Variants in CLIC5 observed in about 807,000 individuals in gnomAD.
CLIC5 encodes the protein chloride intracellular channel protein 5.
In CLIC5, 20 loss-of-function variants were observed where a neutral mutation model predicts 24.7. That is an observed-to-expected ratio of 0.81 (90% CI 0.57 to 1.18). The LOEUF (loss-of-function observed/expected upper bound fraction) is 1.18, where lower values mean the gene tolerates loss of function less well. Ranked by LOEUF, CLIC5 falls within the 50% of genes most tolerant of loss-of-function variation. CLIC5 has a pLI of 0.00. For synonymous variants in CLIC5, 159 were observed against 135.6 expected (o/e 1.17, Z -1.20); for missense variants, 341 against 326.1 (o/e 1.05, Z -0.35).
chr6:45,920,578 T>C (rs1763218022), intron 4 of CLIC5: 1 of 559,128 alleles, frequency 1.8e-6, no homozygotes, highest in African/African-American at 2.1e-5. Context: ...CTTGTTGACA[T>C]TTGATAGTTT....
Position 45,979,235 on chromosome 6 carries a change from T to C in CLIC5, c.64-23991A>G, listed in dbSNP as rs148893792. On this transcript the variant is annotated intron_variant, in intron 1 of 5. Transcript: ENST00000339561. ...CCATGAAGACCCAGGACACATGTAT[T>C]ATATGTGCTAACTGAAGACCAATCT... is the stretch of plus-strand genomic sequence containing the variant. Among the ~76,000 whole-genome samples the C allele has an allele frequency of 2.4e-3, 361 of 152,274 alleles. 1 individual carries two copies. Among genetic ancestry groups the C allele is most frequent in the African/African-American group, 8.0e-3 (334 of 41,544 alleles).
chr6:45,923,583 T>C (rs1305520650), intron 4 of CLIC5, among the ~76,000 whole-genome samples: 1 of 152,262 alleles, frequency 6.6e-6, no homozygotes, highest in Non-Finnish European at 1.5e-5. Flanking sequence ...CAGGCATCTA[T>C]TCGGTGCCCA....
rs59497107 is a variant in CLIC5, at chr6:46,031,893, C to CAT, written c.540+47808_540+47809dup. Among the ~76,000 whole-genome samples the CAT allele has an allele frequency of 1.5e-4, 22 of 146,836 alleles. 1 individual carries two copies. Among genetic ancestry groups the CAT allele is most frequent in the Non-Finnish European group, 2.4e-4 (16 of 67,012 alleles). On this transcript the variant is annotated intron_variant, in intron 1 of 5. Coordinates refer to the CLIC5 transcript ENST00000185206. The stretch of plus-strand genomic sequence containing the variant: ...TATATATAACATATATATATACACA[C>CAT]ATATATATATACAACATATATATGT...
chr6:45,938,415 G>C (rs902456849), intron 4 of CLIC5, among the ~76,000 whole-genome samples: 1 of 152,190 alleles, frequency 6.6e-6, no homozygotes, highest in African/African-American at 2.4e-5. Flanking sequence ...GACAAGTAAA[G>C]AGGAAGGGAG....
chr6:46,064,706 T>C (rs1762394368), intron 1 of CLIC5, among the ~76,000 whole-genome samples: 1 of 151,836 alleles, frequency 6.6e-6, no homozygotes, highest in African/African-American at 2.4e-5. Flanking sequence ...AATTAATCGA[T>C]GTATTTGACA....
At chr6:45,911,570 G>A (rs1342048026) in intron 5 of CLIC5, 5 of 979,028 alleles carry the variant, frequency 5.1e-6, no homozygotes, top group Non-Finnish European at 6.1e-6. Flanking sequence ...TAAGATAAAG[G>A]GATCCAAAAG....
chr6:46,062,724 G>T (rs955495511), intron 1 of CLIC5, among the ~76,000 whole-genome samples: 1 of 152,156 alleles, frequency 6.6e-6, no homozygotes, highest in South Asian at 2.1e-4. Context: ...GCTGATCAGC[G>T]CATTTTCCTA....
chr6:46,063,157 T>A (rs1762339906), intron 1 of CLIC5, among the ~76,000 whole-genome samples: 1 of 152,232 alleles, frequency 6.6e-6, no homozygotes, highest in Non-Finnish European at 1.5e-5. Flanking sequence ...ACAATGTCAC[T>A]TTAATGATTA....
chr6:45,991,640 T>C (rs2127423961), intron 1 of CLIC5, among the ~76,000 whole-genome samples: 1 of 152,338 alleles, frequency 6.6e-6, no homozygotes, highest in Admixed American at 6.5e-5. Context: ...TGGAAATCAT[T>C]TCCTAGAGAC....
At chr6:46,025,141 G>A (rs139991646) in intron 1 of CLIC5, among the ~76,000 whole-genome samples, 50 of 152,008 alleles carry the variant, frequency 3.3e-4, no homozygotes, top group African/African-American at 1.1e-3. Flanking sequence ...CTAATCTGGT[G>A]GTTCAACCTC....
chr6:46,093,320 C>A, the CLIC5 span, among the ~76,000 whole-genome samples: 2 of 152,162 alleles, frequency 1.3e-5, no homozygotes, highest in Admixed American at 1.3e-4. Context: ...TACAGAACTT[C>A]TTACTTTAAA....
chr6:45,883,171 C>T (rs1013536212), intron 6 of CLIC5, among the ~76,000 whole-genome samples: 1 of 152,156 alleles, frequency 6.6e-6, no homozygotes, highest in South Asian at 2.1e-4. Flanking sequence ...TCCACAGGAA[C>T]GAGTTCCACA....
intron 1 of CLIC5, among the ~76,000 whole-genome samples, chr6:45,957,655 AT>A (rs1401751187): frequency 1.3e-5 from 2 of 152,238 alleles, no homozygotes; most frequent in Admixed American, 6.5e-5. Flanking sequence ...TTAATCTTGT[AT>A]TAAACTATGA....
chr6:45,957,514 G>A (rs1764684805), intron 1 of CLIC5, among the ~76,000 whole-genome samples: 1 of 152,196 alleles, frequency 6.6e-6, no homozygotes, highest in South Asian at 2.1e-4. Context: ...CCAGGTAACA[G>A]GTCCTCCCCA....
chr6:45,888,288 T>C (rs573394815), intron 6 of CLIC5, among the ~76,000 whole-genome samples: 4 of 152,376 alleles, frequency 2.6e-5, no homozygotes, highest in Non-Finnish European at 4.4e-5. Context: ...TTTTACCTAA[T>C]GTTGGATCTA....
At chr6:46,063,436 A>G (rs908384071) in intron 1 of CLIC5, among the ~76,000 whole-genome samples, 4 of 152,170 alleles carry the variant, frequency 2.6e-5, no homozygotes, top group East Asian at 3.8e-4. Context: ...GGACCCAAAC[A>G]CAGCCTGACA....
the CLIC5 span, among the ~76,000 whole-genome samples, chr6:46,107,967 G>A: frequency 2.1e-5 from 3 of 145,066 alleles, no homozygotes; most frequent in African/African-American, 7.6e-5. Flanking sequence ...CCAGGAGGCT[G>A]GGGTTGCAGT....
intron 1 of CLIC5, among the ~76,000 whole-genome samples, chr6:45,957,713 C>T (rs574892011): frequency 3.9e-5 from 6 of 152,276 alleles, no homozygotes; most frequent in East Asian, 3.9e-4. Context: ...TAGAAATATG[C>T]GAGGATGCTA....
At chr6:45,887,334 T>A (rs1482555815) in intron 6 of CLIC5, among the ~76,000 whole-genome samples, 1 of 152,198 alleles carries the variant, frequency 6.6e-6, no homozygotes, top group African/African-American at 2.4e-5. Context: ...CTCTTCCCCC[T>A]TCTGCTAGCC....
Sources: allele counts gnomAD v4.1 joint callset (sites outside exome capture counted in the v4.1 genomes callset), GRCh38; gene constraint gnomAD v4.1.1; transcripts MANE v1.5; gene names NCBI Gene and HGNC (gene_info 2026-07-23, HGNC 2026-07-21).